The following SINHCAF variants were observed in gnomAD, a reference collection of about 807,000 sequenced individuals.
SINHCAF encodes SIN3-HDAC complex-associated factor.
In SINHCAF, 3 loss-of-function variants were observed where a neutral mutation model predicts 25.8. The observed-to-expected ratio is 0.12, with a 90% confidence interval of 0.05 to 0.30. The LOEUF (loss-of-function observed/expected upper bound fraction) is 0.30. Among genes scored for constraint, SINHCAF ranks in the 10% least tolerant of loss-of-function variants. The pLI is 1.00. For missense variants in SINHCAF, 121 were observed against 262.3 expected (o/e 0.46, Z 3.72); for synonymous variants, 70 against 85.5 (o/e 0.82, Z 1.00).
At chr12:31,310,071 T>C (rs1257130771) in intron 1 of SINHCAF, among the ~76,000 whole-genome samples, 5 of 152,180 alleles carry the variant, frequency 3.3e-5, no homozygotes, top group Admixed American at 6.5e-5. Flanking sequence ...ATGAGCATTA[T>C]GGATGTCGTG....
chr12:31,317,044 T>G (rs760346980), intron 1 of SINHCAF, among the ~76,000 whole-genome samples: 43 of 152,216 alleles, frequency 2.8e-4, no homozygotes, highest in Non-Finnish European at 5.6e-4. Flanking sequence ...TTCCTTCTTC[T>G]GGCTTTTTTA....
At chr12:31,298,671 C>G (rs1299411300) in intron 1 of SINHCAF, 1 of 226,458 alleles carries the variant, frequency 4.4e-6, no homozygotes, top group Non-Finnish European at 8.8e-6. Flanking sequence ...ACCATGAATA[C>G]TATTTGATAC....
chr12:31,282,967 C>T, intron 5 of SINHCAF, 96 bp from the exon 6 acceptor site: 3 of 896,926 alleles, frequency 3.3e-6, no homozygotes, highest in Non-Finnish European at 4.9e-6. Context: ...CCAATATAAC[C>T]AAAGAGTTGT....
chr12:31,285,845 C>T (rs1010954641), intron 5 of SINHCAF, among the ~76,000 whole-genome samples: 5 of 151,862 alleles, frequency 3.3e-5, no homozygotes, highest in Non-Finnish European at 7.4e-5. Context: ...CATGGTGGTG[C>T]GTGCCTGTAG....
At chr12:31,295,166 TA>T in intron 3 of SINHCAF, 67 bp downstream of exon 3, 1 of 947,466 alleles carries the variant, frequency 1.1e-6, no homozygotes, top group East Asian at 2.5e-5. Flanking sequence ...CTTCCTAAAT[TA>T]GGGGGAAATT....
At chr12:31,321,510 TTG>T (rs1939691963) in intron 1 of SINHCAF, among the ~76,000 whole-genome samples, 1 of 152,228 alleles carries the variant, frequency 6.6e-6, no homozygotes, top group Admixed American at 6.5e-5. Flanking sequence ...CTTCCCAGTG[TTG>T]TGAGGACAAC....
chr12:31,281,267 A>T lies in SINHCAF; in HGVS notation c.*1445T>A, dbSNP rs1315096159. ...GTGAGAGGCTTTTCATGAAAATCTT[A>T]GGATTGAAGAGCTCTAAGTTCAGGA... On this transcript the variant is annotated 3_prime_UTR_variant, in exon 6 of 6. Coordinates refer to ENST00000337682, the MANE Select transcript of SINHCAF (RefSeq NM_001135812.2). The T allele has an allele frequency of 2.0e-5, 3 of 152,232 alleles. No homozygotes were observed. Among genetic ancestry groups the T allele is most frequent in the Non-Finnish European group, 4.4e-5 (3 of 68,040 alleles). The allele number at this position is 152,232 out of a possible 1,614,324, so 9.4% of individuals were successfully genotyped here. A position where few individuals can be genotyped will look rare whatever the true frequency, so the allele number is the denominator to read the frequency against.
intron 1 of SINHCAF, among the ~76,000 whole-genome samples, chr12:31,315,197 T>C (rs1164412828): frequency 6.6e-6 from 1 of 152,194 alleles, no homozygotes; most frequent in Admixed American, 6.5e-5. Flanking sequence ...GTTGAGAATT[T>C]GGTTCATATT....
At chr12:31,317,344 C>CA (rs75157226) in intron 1 of SINHCAF, among the ~76,000 whole-genome samples, 500 of 147,052 alleles carry the variant, frequency 3.4e-3, no homozygotes, top group Admixed American at 4.8e-3. Context: ...TCTTTAAAAA[C>CA]AAAAAAAAAA....
chr12:31,288,503 G>C (rs1565489686), intron 4 of SINHCAF, among the ~76,000 whole-genome samples: 1 of 152,068 alleles, frequency 6.6e-6, no homozygotes, highest in Non-Finnish European at 1.5e-5. Context: ...CTAAGTACAA[G>C]GCCACCCTCA....
At chr12:31,299,560 C>T (rs1938698252) in intron 1 of SINHCAF, among the ~76,000 whole-genome samples, 1 of 152,138 alleles carries the variant, frequency 6.6e-6, no homozygotes, top group African/African-American at 2.4e-5. Context: ...TTGTGATCCA[C>T]CCGTCTCGGC....
intron 1 of SINHCAF, among the ~76,000 whole-genome samples, chr12:31,302,040 T>C (rs1938818628): frequency 6.6e-6 from 1 of 152,222 alleles, no homozygotes; most frequent in Non-Finnish European, 1.5e-5. Flanking sequence ...TCTATTCTCA[T>C]AGGCATCATA....
chr12:31,297,129 C>T, intron 2 of SINHCAF: 1 of 354,738 alleles, frequency 2.8e-6, no homozygotes, highest in South Asian at 2.2e-5. Context: ...ATTTGTTGAT[C>T]ATTTATTGTT....
intron 1 of SINHCAF, among the ~76,000 whole-genome samples, chr12:31,321,017 G>T (rs1477858088): frequency 2.0e-5 from 3 of 152,180 alleles, no homozygotes; most frequent in Non-Finnish European, 2.9e-5. Flanking sequence ...ACTTGAATAT[G>T]TAACAGCGGT....
chr12:31,295,227 G>A lies in SINHCAF; in HGVS notation c.228+7C>T, dbSNP rs767204765. 1 of 1,568,304 alleles carries A rather than the reference G, an allele frequency of 6.4e-7. No individual in the cohort carries two copies. The highest frequency in any genetic ancestry group is 1.8e-5 in the Admixed American group (1 of 56,248). On this transcript the variant is annotated splice_region_variant and intron_variant, in intron 3 of 5. Coordinates refer to ENST00000337682, the MANE Select transcript of SINHCAF (RefSeq NM_001135812.2). ...GTATAATTGAGAAAAAAGAAAGATGGACTAACATGATTCCAGTTTTTTTTT... is the reference window on the plus strand; with the variant it reads ...GTATAATTGAGAAAAAAGAAAGATGAACTAACATGATTCCAGTTTTTTTTT...
intron 1 of SINHCAF, among the ~76,000 whole-genome samples, chr12:31,312,925 A>G (rs981247189): frequency 2.0e-5 from 3 of 152,120 alleles, no homozygotes; most frequent in Non-Finnish European, 2.9e-5. Flanking sequence ...AGAATTTGTG[A>G]TATTTTTACA....
chr12:31,287,494 C>T, intron 5 of SINHCAF, 140 bp downstream of exon 5: 1 of 524,938 alleles, frequency 1.9e-6, no homozygotes, highest in Non-Finnish European at 3.2e-6. Context: ...TCCCACTTCC[C>T]TGCTCAATTC....
intron 1 of SINHCAF, among the ~76,000 whole-genome samples, chr12:31,317,083 A>G (rs1023246922): frequency 6.6e-6 from 1 of 152,164 alleles, no homozygotes; most frequent in Non-Finnish European, 1.5e-5. Flanking sequence ...GTTTTTTAAT[A>G]TTCAAAAGTA....
At chr12:31,316,685 G>C (rs1360850341) in intron 1 of SINHCAF, among the ~76,000 whole-genome samples, 1 of 152,114 alleles carries the variant, frequency 6.6e-6, no homozygotes, top group Non-Finnish European at 1.5e-5. Context: ...TTTAAGAAAA[G>C]TTTTCTGATA....
Sources: gnomAD v4.1 joint callset for allele counts (sites outside exome capture counted in the v4.1 genomes callset) on GRCh38, gnomAD v4.1.1 for gene constraint, MANE v1.5 for transcripts, NCBI Gene and HGNC (gene_info 2026-07-23, HGNC 2026-07-21) for gene names.